Variants in FBN1 observed in about 807,000 individuals in gnomAD.
FBN1 encodes fibrillin-1.
Under a neutral mutation model 365.1 loss-of-function variants are expected in FBN1, and 29 were observed. The ratio of observed to expected loss-of-function variants is 0.08; its 90% CI spans 0.06 to 0.11. FBN1 has a LOEUF of 0.11. Among genes scored for constraint, FBN1 ranks in the 10% least tolerant of loss-of-function variants. The pLI is 1.00. For missense variants in FBN1, 2,476 were observed against 3,703.2 expected, an observed-to-expected ratio of 0.67 and a Z score of 8.60; for synonymous variants, 1,210 against 1,270.5, an observed-to-expected ratio of 0.95 and a Z score of 1.01.
chr15:48,421,854 G>C, intron 61 of FBN1, 98 bp downstream of exon 61: 1 of 1,234,502 alleles, frequency 8.1e-7, no homozygotes. Context: ...ATATTTCTTT[G>C]AGCTTTTATT....
intron 43 of FBN1, 85 bp from the exon 44 acceptor site, chr15:48,456,847 T>TGTGTGC: frequency 2.1e-6 from 2 of 959,538 alleles, no homozygotes; most frequent in African/African-American, 3.3e-5. Context: ...TGCGTGCGTG[T>TGTGTGC]GTGTGTGTGT....
chr15:48,433,331 T>A (rs549661623), intron 54 of FBN1, among the ~76,000 whole-genome samples: 1 of 152,286 alleles, frequency 6.6e-6, no homozygotes, highest in South Asian at 2.1e-4. Flanking sequence ...AAGGCTCAGG[T>A]TGACCATTTG....
At chr15:48,555,585 A>G (rs1353032205) in intron 6 of FBN1, among the ~76,000 whole-genome samples, 1 of 152,200 alleles carries the variant, frequency 6.6e-6, no homozygotes, top group African/African-American at 2.4e-5. Context: ...CCATTTGGCC[A>G]TGGTCCAAAG....
intron 6 of FBN1, among the ~76,000 whole-genome samples, chr15:48,549,798 G>GA (rs989941561): frequency 0.023 from 3,114 of 134,024 alleles, 93 homozygotes; most frequent in African/African-American, 0.072. Context: ...TCAAAGAAAA[G>GA]AAAAAAAAAA....
At chr15:48,488,007 C>T in intron 27 of FBN1, 106 bp downstream of exon 27, 1 of 1,421,208 alleles carries the variant, frequency 7.0e-7, no homozygotes. Context: ...CCTAACTTCA[C>T]TGGTTGCACT....
intron 51 of FBN1, 109 bp from the exon 52 acceptor site, chr15:48,437,496 GA>G: frequency 3.8e-6 from 4 of 1,040,982 alleles, no homozygotes; most frequent in Non-Finnish European, 5.9e-6. Context: ...ATTGATAAAT[GA>G]TGGAAAAAAC....
intron 2 of FBN1, among the ~76,000 whole-genome samples, chr15:48,622,568 T>C (rs1169588215): frequency 6.6e-6 from 1 of 152,174 alleles, no homozygotes; most frequent in Non-Finnish European, 1.5e-5. Flanking sequence ...GCTTCCTAGT[T>C]TCTCTCTACT....
intron 4 of FBN1, among the ~76,000 whole-genome samples, chr15:48,605,830 G>A (rs924707036): frequency 9.9e-4 from 151 of 152,220 alleles, no homozygotes; most frequent in African/African-American, 3.5e-3. Context: ...AGCTGAGATC[G>A]CACCACTGTA....
chr15:48,414,094 T>C (rs1486741015), intron 64 of FBN1, among the ~76,000 whole-genome samples: 2 of 152,222 alleles, frequency 1.3e-5, no homozygotes, highest in Non-Finnish European at 2.9e-5. Flanking sequence ...AGTATTTTCA[T>C]ATCCCGGGAG....
At chr15:48,490,203 T>C (rs1172000569) in intron 24 of FBN1, 125 bp from the exon 25 acceptor site, 5 of 882,364 alleles carry the variant, frequency 5.7e-6, no homozygotes, top group Admixed American at 2.1e-5. Flanking sequence ...TGACTGGAAT[T>C]AGTTTTATTC....
At chr15:48,472,240 C>T (rs373186824) in intron 35 of FBN1, among the ~76,000 whole-genome samples, 1 of 152,148 alleles carries the variant, frequency 6.6e-6, no homozygotes, top group African/African-American at 2.4e-5. Flanking sequence ...CATCCCCCTC[C>T]GTAGGGATAA....
intron 13 of FBN1, among the ~76,000 whole-genome samples, chr15:48,512,120 G>A (rs2043765245): frequency 6.6e-6 from 1 of 152,090 alleles, no homozygotes; most frequent in Non-Finnish European, 1.5e-5. Flanking sequence ...TCATTTATAT[G>A]TAGTGCACTA....
At chr15:48,620,665 A>G (rs1889749446) in intron 2 of FBN1, among the ~76,000 whole-genome samples, 1 of 152,204 alleles carries the variant, frequency 6.6e-6, no homozygotes, top group Non-Finnish European at 1.5e-5. Context: ...TAGATACATA[A>G]TATTTTATTG....
intron 45 of FBN1, 63 bp downstream of exon 45, chr15:48,452,499 A>G: frequency 6.3e-7 from 1 of 1,586,912 alleles, no homozygotes. Flanking sequence ...AAATCCAGAT[A>G]TCTGAAGCTT....
chr15:48,440,272 C>G (rs1290627477), intron 50 of FBN1, among the ~76,000 whole-genome samples: 1 of 152,166 alleles, frequency 6.6e-6, no homozygotes, highest in Admixed American at 6.5e-5. Context: ...GCTCTGCCTC[C>G]TGGAGCTGAG....
intron 48 of FBN1, among the ~76,000 whole-genome samples, chr15:48,445,157 CATATAT>C (rs1023878846): frequency 7.4e-6 from 1 of 135,272 alleles, no homozygotes; most frequent in Admixed American, 7.6e-5. Flanking sequence ...TATATATATA[CATATAT>C]ATATACACAC....
intron 63 of FBN1, among the ~76,000 whole-genome samples, chr15:48,418,517 T>C (rs896070909): frequency 2.0e-5 from 3 of 152,250 alleles, no homozygotes; most frequent in Non-Finnish European, 2.9e-5. Context: ...GAAAACAGCA[T>C]GTTTGTGCAC....
chr15:48,419,196 G>T (rs1467039642), intron 63 of FBN1, among the ~76,000 whole-genome samples: 2 of 152,156 alleles, frequency 1.3e-5, no homozygotes, highest in Admixed American at 6.5e-5. Context: ...AACTTCTTCT[G>T]ACTTCTAAAT....
intron 25 of FBN1, among the ~76,000 whole-genome samples, chr15:48,489,168 G>A (rs1008728313): frequency 1.4e-5 from 2 of 146,268 alleles, no homozygotes; most frequent in African/African-American, 5.1e-5. Context: ...CTGAGTAGCT[G>A]GGATTACAGG....
Sources: gnomAD v4.1 joint callset for allele counts (sites outside exome capture counted in the v4.1 genomes callset) on GRCh38, gnomAD v4.1.1 for gene constraint, MANE v1.5 for transcripts, NCBI Gene and HGNC (gene_info 2026-07-23, HGNC 2026-07-21) for gene names.